The following KCTD8 variants were observed in gnomAD, a reference collection of about 807,000 sequenced individuals.
KCTD8 encodes potassium channel tetramerization domain containing 8.
A neutral mutation model predicts 31.5 loss-of-function variants in KCTD8; 27 were observed. The ratio of observed to expected loss-of-function variants is 0.86; its 90% confidence interval spans 0.63 to 1.18. The LOEUF (loss-of-function observed/expected upper bound fraction) is 1.18, where lower values mean the gene tolerates loss of function less well. KCTD8 is among the 50% of genes most tolerant of loss of function. KCTD8 has a pLI of 0.00. For missense variants in KCTD8, 658 were observed against 647.7 expected (o/e 1.02, Z -0.17); for synonymous variants, 290 against 280.0 (o/e 1.04, Z -0.36).
intron 1 of KCTD8, among the ~76,000 whole-genome samples, chr4:44,275,699 T>A (rs989800645): frequency 3.9e-5 from 6 of 152,044 alleles, no homozygotes; most frequent in Admixed American, 1.3e-4. Context: ...TTATTTCTTG[T>A]ACATCGTGGT....
At chr4:44,357,089 C>T (rs1021588367) in intron 1 of KCTD8, among the ~76,000 whole-genome samples, 1 of 143,462 alleles carries the variant, frequency 7.0e-6, no homozygotes, top group Non-Finnish European at 1.5e-5. Context: ...GCATTTGAGG[C>T]AAAAAAAAAA....
intron 1 of KCTD8, among the ~76,000 whole-genome samples, chr4:44,235,528 TA>T (rs1715252697): frequency 1.1e-4 from 1 of 9,376 alleles, no homozygotes; most frequent in Non-Finnish European, 1.9e-4. Context: ...CACTGGATTA[TA>T]TATATATATA....
chr4:44,282,138 T>C (rs1425421285), intron 1 of KCTD8, among the ~76,000 whole-genome samples: 1 of 151,938 alleles, frequency 6.6e-6, no homozygotes, highest in Non-Finnish European at 1.5e-5. Flanking sequence ...GATGTTGTGT[T>C]TTTTTTTAAA....
intron 1 of KCTD8, among the ~76,000 whole-genome samples, chr4:44,254,364 G>A (rs181203949): frequency 8.9e-4 from 136 of 152,010 alleles, no homozygotes; most frequent in African/African-American, 3.2e-3. Context: ...AGGAAAACAC[G>A]TTTTTAAGGT....
intron 1 of KCTD8, among the ~76,000 whole-genome samples, chr4:44,206,209 C>T (rs542588256): frequency 9.9e-5 from 15 of 152,106 alleles, no homozygotes; most frequent in Admixed American, 7.9e-4. Flanking sequence ...GAGTTATCTT[C>T]GAGAATGAAC....
chr4:44,181,688 C>T (rs115894116), intron 1 of KCTD8, among the ~76,000 whole-genome samples: 4,772 of 151,362 alleles, frequency 0.032, 137 homozygotes, highest in Non-Finnish European at 0.044. Flanking sequence ...GAAGTGAGGA[C>T]CCTCTCTGCC....
intron 1 of KCTD8, among the ~76,000 whole-genome samples, chr4:44,440,704 T>C (rs1490539049): frequency 3.3e-5 from 5 of 152,246 alleles, no homozygotes; most frequent in Non-Finnish European, 5.9e-5. Context: ...CCTTAGCCTC[T>C]GCCCTGAGGG....
rs35250421 is a variant in KCTD8 at position 44,320,170 on chromosome 4, C to CAAAAAA, written c.961+127387_961+127392dup. Among the ~76,000 whole-genome samples the CAAAAAA allele has an allele frequency of 5.2e-3, 166 of 31,892 alleles. 10 individuals carry two copies. The highest frequency in any genetic ancestry group is 0.012 in the East Asian group (15 of 1,280). 20.9% of individuals were successfully genotyped at this position (31,892 alleles called of 152,430 possible). On this transcript the variant is annotated intron_variant, in intron 1 of 1. Transcript: ENST00000360029. ...TGGGTGACAGAGCAAGCCTCCATCT[C>CAAAAAA]AAAAAAAAAAAAAAAAAAAAAAAAA...
intron 1 of KCTD8, among the ~76,000 whole-genome samples, chr4:44,237,282 A>G (rs2109355477): frequency 6.6e-6 from 1 of 152,134 alleles, no homozygotes; most frequent in East Asian, 1.9e-4. Context: ...AGGAGGAATG[A>G]CATCTGACTG....
Position 44,448,446 on chromosome 4 carries a change from G to GGGGC in KCTD8, c.77_78insGCCC (p.Gly27ProfsTer19), listed in dbSNP as rs748260756. Reference sequence around the variant, plus strand: ...CCGGGGCGGCGGCGGCCGACGCGCCGGGCGAGCTGGACGAGGAAACCATCT... The same window carrying GGGGC: ...CCGGGGCGGCGGCGGCCGACGCGCCGGGGCGGCGAGCTGGACGAGGAAACCATCT... On this transcript the variant is annotated frameshift_variant, in exon 1 of 2. Coordinates refer to ENST00000360029, the MANE Select transcript of KCTD8 (RefSeq NM_198353.3). LOFTEE classifies it high-confidence loss of function. The surrounding 1 kb of genome is among the most constrained non-coding windows in gnomAD (Gnocchi z 4.1). The GGGGC allele has an allele frequency of 6.5e-7, 1 of 1,548,894 alleles. No homozygotes were observed. The highest frequency in any genetic ancestry group is 2.3e-5 in the East Asian group (1 of 44,060).
rs185902646 is a variant in KCTD8, at chr4:44,444,249, A to G, written c.961+3314T>C. On this transcript the variant is annotated intron_variant, in intron 1 of 1. Coordinates refer to ENST00000360029, the MANE Select transcript of KCTD8 (RefSeq NM_198353.3). ...CAAAGTTTCAAGTCCTAGTGCTAAA[A>G]CACTTCTTGGCCCTGAATCGGAAAT... 7.7e-3 allele frequency among the ~76,000 whole-genome samples: 1,171 copies of G among 152,330 alleles called. 9 individuals are homozygous for G. Among genetic ancestry groups the G allele is most frequent in the South Asian group, 0.026 (123 of 4,818 alleles).
intron 1 of KCTD8, among the ~76,000 whole-genome samples, chr4:44,365,173 G>A (rs760661074): frequency 7.9e-5 from 12 of 151,882 alleles, no homozygotes; most frequent in Non-Finnish European, 1.8e-4. Flanking sequence ...GAGAGTGGTG[G>A]GCATATGGGA....
chr4:44,234,091 C>T (rs1002081488), intron 1 of KCTD8, among the ~76,000 whole-genome samples: 8 of 143,880 alleles, frequency 5.6e-5, no homozygotes, highest in African/African-American at 7.5e-5. Context: ...AAGCCTCTTG[C>T]GTGTAATACT....
chr4:44,443,576 T>C (rs963308809), intron 1 of KCTD8, among the ~76,000 whole-genome samples: 3 of 152,176 alleles, frequency 2.0e-5, no homozygotes, highest in Admixed American at 2.0e-4. Flanking sequence ...TTCCTAGATC[T>C]GGCATTTTCA....
intron 1 of KCTD8, among the ~76,000 whole-genome samples, chr4:44,397,817 A>C (rs1720544192): frequency 6.6e-6 from 1 of 152,180 alleles, no homozygotes; most frequent in African/African-American, 2.4e-5. Context: ...ATGCGAGAAA[A>C]CATTACAAGA....
intron 1 of KCTD8, among the ~76,000 whole-genome samples, chr4:44,243,655 T>A: frequency 6.6e-6 from 1 of 152,196 alleles, no homozygotes; most frequent in East Asian, 1.9e-4. Flanking sequence ...CAAATGTGAC[T>A]CAGAGATGTT....
chr4:44,185,575 A>G (rs755747562), intron 1 of KCTD8, among the ~76,000 whole-genome samples: 4 of 152,152 alleles, frequency 2.6e-5, no homozygotes, highest in Non-Finnish European at 4.4e-5. Flanking sequence ...GGTGACTCCA[A>G]TATACTTGTT....
chr4:44,174,212 G>C lies in KCTD8; in HGVS notation c.*578C>G, dbSNP rs1368003974. ...TAGACAGCTTACATTTATAGGCTTT[G>C]TCTAAAACATTTTTTTTTGCTTTTT... On this transcript the variant is annotated 3_prime_UTR_variant, in exon 2 of 2. Coordinates refer to ENST00000360029, the MANE Select transcript of KCTD8 (RefSeq NM_198353.3). 2 of 152,052 alleles carry C rather than the reference G, an allele frequency of 1.3e-5. No homozygotes were observed. Among genetic ancestry groups the C allele is most frequent in the Non-Finnish European group, 2.9e-5 (2 of 68,018 alleles). 9.4% of individuals were successfully genotyped at this position (152,052 alleles called of 1,614,324 possible). A position where few individuals can be genotyped will look rare whatever the true frequency, so the allele number is the denominator to read the frequency against.
chr4:44,179,593 C>T (rs573041208), intron 1 of KCTD8, among the ~76,000 whole-genome samples: 11 of 151,068 alleles, frequency 7.3e-5, no homozygotes, highest in African/African-American at 2.7e-4. Context: ...GCAAGGTGAA[C>T]TCCCAATCAG....
Sources: allele counts gnomAD v4.1 joint callset (sites outside exome capture counted in the v4.1 genomes callset), GRCh38; gene constraint gnomAD v4.1.1; non-coding constraint Gnocchi (gnomAD v3.1); transcripts MANE v1.5; gene names NCBI Gene and HGNC (gene_info 2026-07-23, HGNC 2026-07-21).